TGM5: variants seen among roughly 807,000 people sequenced by gnomAD.
TGM5 encodes the protein protein-glutamine gamma-glutamyltransferase 5.
Under a neutral mutation model 77.2 loss-of-function variants are expected in TGM5, and 69 were observed. The observed-to-expected ratio is 0.89, with a 90% CI of 0.74 to 1.09. TGM5 has a LOEUF of 1.09. TGM5 is among the 50% of genes least tolerant of loss of function. The pLI, the probability that TGM5 is intolerant of heterozygous loss-of-function variation, is 0.00. For synonymous variants in TGM5, 346 were observed against 351.8 expected, an observed-to-expected ratio of 0.98 and a Z score of 0.18; for missense variants, 842 against 896.5, an observed-to-expected ratio of 0.94 and a Z score of 0.78.
intron 4 of TGM5, among the ~76,000 whole-genome samples, chr15:43,256,096 G>C (rs1490310060): frequency 6.6e-6 from 1 of 152,212 alleles, no homozygotes; most frequent in Non-Finnish European, 1.5e-5. Flanking sequence ...ATGCATTGCT[G>C]CTCATCAGCC....
rs552144761 is a variant in TGM5 at position 43,241,002 on chromosome 15, G to A, written c.863-12C>T. 6.6e-5 allele frequency: 107 copies of A among 1,613,936 alleles called. No individual in the cohort carries two copies. Among genetic ancestry groups the A allele is most frequent in the Non-Finnish European group, 8.8e-5 (104 of 1,180,026 alleles). Reference sequence around the variant, plus strand: ...CAGACACCTCATCACTGCAAAAAGGGCACAAAAAAATCACCTGTGAGCTGT... The same window carrying A: ...CAGACACCTCATCACTGCAAAAAGGACACAAAAAAATCACCTGTGAGCTGT... On this transcript the variant is annotated splice_polypyrimidine_tract_variant and intron_variant, in intron 6 of 12. Transcript: ENST00000220420.
intron 6 of TGM5, chr15:43,241,285 G>A (rs1419732506): frequency 2.2e-6 from 1 of 458,764 alleles, no homozygotes; most frequent in Non-Finnish European, 4.0e-6. Flanking sequence ...GGACTGGCAA[G>A]CCTTTCCTTT....
Position 43,266,838 on chromosome 15 carries a change from A to G in TGM5, c.10+2T>C, listed in dbSNP as rs2142390360. On this transcript the variant is annotated splice_donor_variant, in intron 1 of 12. Coordinates refer to ENST00000220420, the MANE Select transcript of TGM5 (RefSeq NM_201631.4). LOFTEE classifies it high-confidence loss of function. The stretch of plus-strand genomic sequence containing the variant: ...TCCAGTGGCCACAGGGGCTTTCCCT[A>G]CCTTGGGCCATGGTAGCTGCCTCCG... 2.5e-6 allele frequency: 4 copies of G among 1,613,916 alleles called. No individual in the cohort carries two copies. Among genetic ancestry groups the G allele is most frequent in the Non-Finnish European group, 3.4e-6 (4 of 1,179,950 alleles).
chr15:43,235,008 C>T (rs1278269027), intron 10 of TGM5, 79 bp from the exon 11 acceptor site: 8 of 1,530,008 alleles, frequency 5.2e-6, no homozygotes, highest in Non-Finnish European at 7.2e-6. Flanking sequence ...GTCTCTCTTC[C>T]ACAGAGAAGA....
At position 43,260,672 on chromosome 15, in the gene TGM5, C is replaced by T. The variant is rs569106403; in HGVS notation, c.11-93G>A. On this transcript the variant is annotated intron_variant, in intron 1 of 12. Coordinates refer to ENST00000220420, the MANE Select transcript of TGM5 (RefSeq NM_201631.4). ...TAGTTCTGCAAACTTGAGAAAGTAA[C>T]TTAGCTTGAGCCTCAGTTTCCATAT... 62 of 1,390,162 alleles carry T rather than the reference C, an allele frequency of 4.5e-5. No homozygotes were observed. In the African/African-American group the frequency reaches 6.2e-4, roughly 14 times the overall value. 86.1% of individuals were successfully genotyped at this position (1,390,162 alleles called of 1,614,324 possible).
At chr15:43,241,130 T>A in intron 6 of TGM5, 140 bp from the exon 7 acceptor site, 1 of 1,128,010 alleles carries the variant, frequency 8.9e-7, no homozygotes, top group South Asian at 1.3e-5. Flanking sequence ...AACACTGGAA[T>A]AGTGATATTT....
intron 6 of TGM5, among the ~76,000 whole-genome samples, chr15:43,244,697 A>G (rs1190260145): frequency 1.3e-5 from 2 of 152,242 alleles, no homozygotes; most frequent in Admixed American, 1.3e-4. Context: ...GGATACAAAA[A>G]TGAAAGACAT....
intron 6 of TGM5, among the ~76,000 whole-genome samples, chr15:43,247,474 G>A (rs2042676711): frequency 6.6e-6 from 1 of 151,174 alleles, no homozygotes; most frequent in African/African-American, 2.4e-5. Context: ...AGGTACCCCC[G>A]AATCTAAAAT....
At chr15:43,238,673 G>T in intron 9 of TGM5, 144 bp downstream of exon 9, 1 of 1,301,732 alleles carries the variant, frequency 7.7e-7, no homozygotes. Flanking sequence ...AGGCTGTGAG[G>T]CCACCCCAAC....
chr15:43,241,314 G>A (rs2042634649), intron 6 of TGM5: 1 of 410,970 alleles, frequency 2.4e-6, no homozygotes, highest in African/African-American at 2.0e-5. Context: ...TCAGAGGCCT[G>A]ACTCAACTGC....
intron 9 of TGM5, among the ~76,000 whole-genome samples, chr15:43,236,657 C>A (rs983581638): frequency 2.6e-5 from 4 of 152,136 alleles, no homozygotes; most frequent in African/African-American, 9.7e-5. Flanking sequence ...AATCTGGAGA[C>A]ATTTGCTTCA....
intron 6 of TGM5, among the ~76,000 whole-genome samples, chr15:43,252,510 G>A (rs1364635278): frequency 1.3e-5 from 2 of 151,946 alleles, no homozygotes; most frequent in African/African-American, 2.4e-5. Flanking sequence ...TAGAGACGGG[G>A]TTTCACCATC....
intron 11 of TGM5, 58 bp downstream of exon 11, chr15:43,234,711 A>C (rs964211313): frequency 3.1e-6 from 5 of 1,610,358 alleles, no homozygotes; most frequent in Non-Finnish European, 2.5e-6. Context: ...ACAGGGCTTC[A>C]CCCCCTCCCC....
At position 43,232,891 on chromosome 15, in the gene TGM5, T is replaced by C; in HGVS notation, c.*300A>G. 2.5e-6 allele frequency: 1 copy of C among 395,348 alleles called. No homozygotes were observed. The highest frequency in any genetic ancestry group is 4.7e-6 in the Non-Finnish European group (1 of 211,440). 24.5% of individuals were successfully genotyped at this position (395,348 alleles called of 1,614,324 possible). A position where few individuals can be genotyped will look rare whatever the true frequency, so the allele number is the denominator to read the frequency against. The stretch of plus-strand genomic sequence containing the variant: ...TATCCATCCATAGACATTTCCTACC[T>C]GTTCTCTGGATGCTGGAGTCTCCTA... On this transcript the variant is annotated 3_prime_UTR_variant, in exon 13 of 13. Transcript: ENST00000220420.
chr15:43,259,996 C>T, intron 3 of TGM5, 56 bp downstream of exon 3: 2 of 1,610,984 alleles, frequency 1.2e-6, no homozygotes, highest in Non-Finnish European at 1.7e-6. Context: ...GAGCCTGTCT[C>T]TCTGGCAGCA....
intron 6 of TGM5, among the ~76,000 whole-genome samples, chr15:43,252,233 G>A (rs1482906461): frequency 6.6e-6 from 1 of 152,250 alleles, no homozygotes; most frequent in Non-Finnish European, 1.5e-5. Flanking sequence ...CAGGCGTCCT[G>A]GGACGTGTGA....
chr15:43,235,238 G>C (rs1212857002), intron 10 of TGM5, among the ~76,000 whole-genome samples: 1 of 150,084 alleles, frequency 6.7e-6, no homozygotes, highest in Admixed American at 6.6e-5. Context: ...AAAGGAGGGA[G>C]AGAGGAGATA....
At chr15:43,246,370 G>A (rs1220026424) in intron 6 of TGM5, among the ~76,000 whole-genome samples, 1 of 152,180 alleles carries the variant, frequency 6.6e-6, no homozygotes, top group African/African-American at 2.4e-5. Context: ...CTTCATGCTA[G>A]CAAAGACTGA....
intron 6 of TGM5, among the ~76,000 whole-genome samples, chr15:43,244,085 A>C (rs1012836647): frequency 6.6e-6 from 1 of 152,080 alleles, no homozygotes; most frequent in Non-Finnish European, 1.5e-5. Flanking sequence ...CTCAGTCTCA[A>C]TGCACCTTCC....
Sources: allele counts gnomAD v4.1 joint callset (sites outside exome capture counted in the v4.1 genomes callset), GRCh38; gene constraint gnomAD v4.1.1; transcripts MANE v1.5; gene names NCBI Gene and HGNC (gene_info 2026-07-23, HGNC 2026-07-21).